Variants in PPFIA4 observed in about 807,000 individuals in gnomAD.
The protein encoded by PPFIA4 is liprin-alpha-4.
Under a neutral mutation model 145.7 loss-of-function variants are expected in PPFIA4, and 98 were observed. The ratio of observed to expected loss-of-function variants is 0.67; its 90% CI spans 0.57 to 0.80. The LOEUF is 0.80. Ranked by LOEUF, PPFIA4 falls within the 30% of genes least tolerant of loss-of-function variation. PPFIA4 has a pLI of 0.00. For missense variants in PPFIA4, 1,457 were observed against 1,632.7 expected (o/e 0.89, Z 1.85); for synonymous variants, 628 against 649.6 (o/e 0.97, Z 0.51).
Position 203,076,536 on chromosome 1 carries a change from A to C in PPFIA4, c.*146A>C. ...CCTGGATCTCAGAATATATTCGTCC[A>C]CCCCCTCGGCACCCCATTACCCCGA... On this transcript the variant is annotated 3_prime_UTR_variant, in exon 30 of 30. Transcript: ENST00000295706. The C allele has an allele frequency of 1.3e-6, 1 of 767,802 alleles. No individual in the cohort carries two copies. The allele number at this position is 767,802 out of a possible 1,614,324, so 47.6% of individuals were successfully genotyped here. A position where few individuals can be genotyped will look rare whatever the true frequency, so the allele number is the denominator to read the frequency against.
chr1:203,059,331 C>T lies in PPFIA4; in HGVS notation c.2501+60C>T. 2.2e-6 allele frequency: 3 copies of T among 1,358,164 alleles called. No homozygotes were observed. The South Asian group carries it at 3.8e-5, about 17-fold the overall frequency. The allele number at this position is 1,358,164 out of a possible 1,614,324, so 84.1% of individuals were successfully genotyped here. ...GCCCAGCCCCCTACCCACTTCCCTT[C>T]CCCTGGGCTGCTGTGAAACTGAGCT... On this transcript the variant is annotated intron_variant, in intron 20 of 29. Coordinates refer to ENST00000295706, the MANE Select transcript of PPFIA4 (RefSeq NM_001304331.2).
chr1:203,049,077 A>C (rs1038432259), intron 12 of PPFIA4, 97 bp downstream of exon 12: 1 of 1,169,416 alleles, frequency 8.6e-7, no homozygotes, highest in Non-Finnish European at 1.2e-6. Flanking sequence ...GATACCTGGC[A>C]GTGTTAGTGC....
intron 14 of PPFIA4, 64 bp from the exon 15 acceptor site, chr1:203,053,689 G>A: frequency 7.2e-7 from 1 of 1,391,466 alleles, no homozygotes; most frequent in East Asian, 2.5e-5. Flanking sequence ...GAGGTAGGGA[G>A]GGTCCTGCTC....
intron 7 of PPFIA4, 92 bp downstream of exon 7, chr1:203,045,651 C>T (rs1354796923): frequency 1.4e-6 from 2 of 1,458,534 alleles, no homozygotes; most frequent in East Asian, 5.0e-5. Context: ...GACTGAACAC[C>T]TGCCTCCTTG....
In PPFIA4 at chr1:203,048,380, A is replaced by G; in HGVS notation, c.1224+70A>G. On this transcript the variant is annotated intron_variant, in intron 10 of 29. Transcript: ENST00000295706. The surrounding 1 kb of genome is among the most constrained non-coding windows in gnomAD (Gnocchi z 5.8). Reference sequence around the variant, plus strand: ...GACAGGCTCCCAGGGCGGTCTGTGGAAGGGGCACGGAGGAAGGGCCTGGCC... The same window carrying G: ...GACAGGCTCCCAGGGCGGTCTGTGGGAGGGGCACGGAGGAAGGGCCTGGCC... The G allele has an allele frequency of 1.9e-6, 3 of 1,555,504 alleles. No homozygotes were observed. The highest frequency in any genetic ancestry group is 3.7e-5 in the Admixed American group (2 of 54,338).
intron 23 of PPFIA4, 85 bp downstream of exon 23, chr1:203,061,117 C>A: frequency 2.3e-6 from 3 of 1,291,330 alleles, no homozygotes; most frequent in South Asian, 1.2e-5. Context: ...TGTGGGCAGT[C>A]AGAGTGGGCT....
At position 203,059,171 on chromosome 1, in the gene PPFIA4, C is replaced by A; in HGVS notation, c.2408-7C>A. On this transcript the variant is annotated splice_region_variant and splice_polypyrimidine_tract_variant and intron_variant, in intron 19 of 29. Transcript: ENST00000295706. ...GCTGGCTGACACACACATCTCTTTCCTTGTAGTTCTGCTAACAGACTCCGA... is the reference window on the plus strand; with the variant it reads ...GCTGGCTGACACACACATCTCTTTCATTGTAGTTCTGCTAACAGACTCCGA... 6.7e-7 allele frequency: 1 copy of A among 1,498,524 alleles called. No homozygotes were observed. The highest frequency in any genetic ancestry group is 9.1e-7 in the Non-Finnish European group (1 of 1,095,780). The allele number at this position is 1,498,524 out of a possible 1,614,324, so 92.8% of individuals were successfully genotyped here.
Position 203,060,119 on chromosome 1 carries a change from G to A in PPFIA4, c.2584-98G>A. ...CCTATGATCTGTATTTGCTATTCGA[G>A]TCCGTGGATGAGGCCTGGCCCTTGC... On this transcript the variant is annotated intron_variant, in intron 21 of 29. Transcript: ENST00000295706. The surrounding 1 kb of genome is among the most constrained non-coding windows in gnomAD (Gnocchi z 4.8). 1 of 1,169,022 alleles carries A rather than the reference G, an allele frequency of 8.6e-7. No homozygotes were observed. The highest frequency in any genetic ancestry group is 1.5e-5 in the African/African-American group (1 of 65,908). The allele number at this position is 1,169,022 out of a possible 1,614,324, so 72.4% of individuals were successfully genotyped here.
chr1:203,075,585 C>G lies in PPFIA4; in HGVS notation c.3402C>G (p.Asp1134Glu), dbSNP rs757163058. 3.4e-6 allele frequency: 5 copies of G among 1,459,050 alleles called. No homozygotes were observed. The highest frequency in any genetic ancestry group is 1.5e-5 in the African/African-American group (1 of 67,800). 90.4% of individuals were successfully genotyped at this position (1,459,050 alleles called of 1,614,324 possible). A position where few individuals can be genotyped will look rare whatever the true frequency, so the allele number is the denominator to read the frequency against. The change falls in exon 29 of 30, where the codon GAC becomes GAG. Residue 1134 changes from aspartate (D) to glutamate (E), a missense_variant. Coordinates refer to ENST00000295706, the MANE Select transcript of PPFIA4 (RefSeq NM_001304331.2). This position sits in a 1 kb window ranked among gnomAD's most constrained non-coding sequence, Gnocchi z 4.1. Reference sequence around the variant, plus strand: ...TGTCCCCCATGGTGCAGGGGGATGACAAGGTGTTTCGCCGCGCGCCCTCCT... The same window carrying G: ...TGTCCCCCATGGTGCAGGGGGATGAGAAGGTGTTTCGCCGCGCGCCCTCCT... ...GTDRKLDDGD[D>E]KVFRRAPSWR... is the part of the protein sequence containing the mutation.
At chr1:203,058,769 T>C (rs1394492685) in intron 19 of PPFIA4, among the ~76,000 whole-genome samples, 1 of 152,170 alleles carries the variant, frequency 6.6e-6, no homozygotes, top group African/African-American at 2.4e-5. Context: ...CAGCTCTCAG[T>C]GTGTGGATTT....
chr1:203,069,778 C>T (rs1182071626), intron 27 of PPFIA4, among the ~76,000 whole-genome samples: 1 of 143,550 alleles, frequency 7.0e-6, no homozygotes, highest in East Asian at 2.2e-4. Flanking sequence ...GCCCCCACCC[C>T]AACCAGTCAA....
Position 203,075,504 on chromosome 1 carries a change from C to A in PPFIA4, c.3394-73C>A. The A allele has an allele frequency of 1.6e-6, 2 of 1,259,518 alleles. No individual in the cohort carries two copies. The highest frequency in any genetic ancestry group is 2.0e-6 in the Non-Finnish European group (2 of 979,196). The allele number at this position is 1,259,518 out of a possible 1,614,324, so 78.0% of individuals were successfully genotyped here. A position where few individuals can be genotyped will look rare whatever the true frequency, so the allele number is the denominator to read the frequency against. On this transcript the variant is annotated intron_variant, in intron 28 of 29. Coordinates refer to ENST00000295706, the MANE Select transcript of PPFIA4 (RefSeq NM_001304331.2). This position sits in a 1 kb window ranked among gnomAD's most constrained non-coding sequence, Gnocchi z 4.1. ...TGCCCCTTGAACCAGCAGCGACTGG[C>A]CCCCTCCAGGCAGGGCGTGAGGATG...
At position 203,044,676 on chromosome 1, in the gene PPFIA4, C is replaced by T; in HGVS notation, c.577-20C>T. ...GTTCTCTTCTCTTTGACTCATTGCC[C>T]TGGGGCTTGTGCCCTACAGGTGTCT... On this transcript the variant is annotated intron_variant, in intron 5 of 29. Transcript: ENST00000295706. 9 of 1,543,810 alleles carry T rather than the reference C, an allele frequency of 5.8e-6. No individual in the cohort carries two copies. Among genetic ancestry groups the T allele is most frequent in the Non-Finnish European group, 7.9e-6 (9 of 1,144,248 alleles).
In PPFIA4 at chr1:203,053,819, C is replaced by T. The variant is rs549153396; in HGVS notation, c.1687C>T (p.Pro563Ser). Reference sequence around the variant, plus strand: ...AGCTGGCCCTGCCTTTGACAGTGACCCTGAGATCTCCGACGTGGATGAGGA... The same window carrying T: ...AGCTGGCCCTGCCTTTGACAGTGACTCTGAGATCTCCGACGTGGATGAGGA... ...PAAGPAFDSD[P>S]EISDVDEDEP... The change falls in exon 15 of 30, where the codon CCT becomes TCT. Residue 563 changes from proline to serine, a missense_variant. Coordinates refer to ENST00000295706, the MANE Select transcript of PPFIA4 (RefSeq NM_001304331.2). 7 of 1,553,384 alleles carry T rather than the reference C, an allele frequency of 4.5e-6. No individual in the cohort carries two copies. In the East Asian group the frequency reaches 1.5e-4, roughly 32 times the overall value.
chr1:203,076,114 G>A, intron 29 of PPFIA4: 2 of 603,796 alleles, frequency 3.3e-6, no homozygotes, highest in Non-Finnish European at 5.8e-6. Context: ...GCACCTTGCT[G>A]CTGGCCCTCG....
Position 203,059,190 on chromosome 1 carries a change from A to G in PPFIA4, c.2420A>G (p.Asp807Gly). 6.5e-7 allele frequency: 1 copy of G among 1,529,436 alleles called. No homozygotes were observed. Among genetic ancestry groups the G allele is most frequent in the Non-Finnish European group, 8.9e-7 (1 of 1,120,864 alleles). 94.7% of individuals were successfully genotyped at this position (1,529,436 alleles called of 1,614,324 possible). ...DGATGHVLLT[D>G]SEFSMQEPMV... ...TCTTTCCTTGTAGTTCTGCTAACAG[A>G]CTCCGAATTCAGTATGCAGGAGCCT... The change falls in exon 20 of 30, where the codon GAC becomes GGC. Residue 807 changes from aspartate to glycine, a missense_variant. Physicochemically the swap from Asp to Gly is moderately conservative, Grantham distance 94. Coordinates refer to ENST00000295706, the MANE Select transcript of PPFIA4 (RefSeq NM_001304331.2).
chr1:203,031,596 G>A (rs949724672), intron 1 of PPFIA4, among the ~76,000 whole-genome samples: 2 of 152,124 alleles, frequency 1.3e-5, no homozygotes, highest in Non-Finnish European at 2.9e-5. Context: ...CTCCGGACCC[G>A]TCCTCTTCTC....
At position 203,044,711 on chromosome 1, in the gene PPFIA4, C is replaced by G. The variant is rs772442961; in HGVS notation, c.592C>G (p.Gln198Glu). The stretch of plus-strand genomic sequence containing the variant: ...TGCCCTACAGGTGTCTGCCCTGCAG[C>G]AGGGGGCAGGGGTGCGGGATGGAGC... ...GAHQQVSALQQGAGVRDGAAE... is the reference protein window; with the variant it reads ...GAHQQVSALQEGAGVRDGAAE... Residue 198 changes from glutamine (Q) to glutamate (E), a missense_variant, in exon 6 of 30, where the codon CAG becomes GAG. By Grantham distance (29) the Gln-to-Glu change is conservative (BLOSUM62 2). This residue lies in a region of PPFIA4 where 463 missense variants were observed against 459.8 expected (regional missense o/e 1.01). Coordinates refer to ENST00000295706, the MANE Select transcript of PPFIA4 (RefSeq NM_001304331.2). The G allele has an allele frequency of 1.3e-6, 2 of 1,557,162 alleles. No homozygotes were observed. Among genetic ancestry groups the G allele is most frequent in the Non-Finnish European group, 1.7e-6 (2 of 1,150,822 alleles).
At chr1:203,073,212 T>C (rs1662290737) in intron 28 of PPFIA4, among the ~76,000 whole-genome samples, 1 of 152,220 alleles carries the variant, frequency 6.6e-6, no homozygotes, top group Non-Finnish European at 1.5e-5. Flanking sequence ...ATCTTACAGA[T>C]GAGGAAATTG....
Sources: gnomAD v4.1 joint callset for allele counts (sites outside exome capture counted in the v4.1 genomes callset) on GRCh38, gnomAD v4.1.1 for gene constraint, gnomAD v4.1.1 regional missense constraint, Gnocchi (gnomAD v3.1) non-coding constraint, MANE v1.5 for transcripts, NCBI Gene and HGNC (gene_info 2026-07-23, HGNC 2026-07-21) for gene names.